Variants in RBM25 observed in about 807,000 individuals in gnomAD.
RBM25 encodes RNA binding motif protein 25.
RBM25 carries 19 observed loss-of-function variants against 120.7 expected under a neutral mutation model. The observed-to-expected ratio is 0.16, with a 90% CI of 0.11 to 0.23. RBM25 has a LOEUF of 0.23. Ranked by LOEUF, RBM25 falls within the 10% of genes least tolerant of loss-of-function variation. RBM25 has a pLI of 1.00. For missense variants in RBM25, 605 were observed against 1,041.5 expected, an observed-to-expected ratio of 0.58 and a Z score of 5.77; for synonymous variants, 390 against 326.7, an observed-to-expected ratio of 1.19 and a Z score of -2.09.
intron 18 of RBM25, among the ~76,000 whole-genome samples, chr14:73,118,808 G>T (rs1371700417): frequency 6.6e-6 from 1 of 151,798 alleles, no homozygotes; most frequent in Non-Finnish European, 1.5e-5. Context: ...TGCTCTTGTT[G>T]ACCAGGCTGG....
chr14:73,091,358 G>T (rs1198387409), intron 6 of RBM25, among the ~76,000 whole-genome samples: 1 of 151,998 alleles, frequency 6.6e-6, no homozygotes, highest in South Asian at 2.1e-4. Flanking sequence ...GGGACTACAG[G>T]TATGCACCAC....
chr14:73,119,615 T>C, intron 18 of RBM25, 98 bp from the exon 19 acceptor site: 1 of 1,567,794 alleles, frequency 6.4e-7, no homozygotes. Flanking sequence ...AAGTGCTTAT[T>C]GTCAGTGGAT....
intron 7 of RBM25, 96 bp downstream of exon 7, chr14:73,097,196 CTTTTTTTTTTTTTT>C: frequency 7.3e-6 from 1 of 137,532 alleles, no homozygotes; most frequent in Non-Finnish European, 1.1e-5. Flanking sequence ...TTTTTCTTTT[CTTTTTTTTTTTTTT>C]TTTTTTTTGA....
At position 73,122,633 on chromosome 14, in the gene RBM25, C is replaced by T. The variant is rs1047494944; in HGVS notation, c.*2828C>T. 5 of 152,134 alleles carry T rather than the reference C, an allele frequency of 3.3e-5. No homozygotes were observed. The highest frequency in any genetic ancestry group is 2.0e-4 in the Admixed American group (3 of 15,268). The allele number at this position is 152,134 out of a possible 1,614,324, so 9.4% of individuals were successfully genotyped here. ...CTGGCAAAAAAGTAGTAGAATACTA[C>T]TTTTCTTTATTTGTCCCTAAAAATA... On this transcript the variant is annotated 3_prime_UTR_variant, in exon 19 of 19. Transcript: ENST00000261973.
chr14:73,095,536 G>A (rs79896437), intron 6 of RBM25, among the ~76,000 whole-genome samples: 1 of 151,718 alleles, frequency 6.6e-6, no homozygotes, highest in African/African-American at 2.4e-5. Context: ...AAACTGGGAG[G>A]CCAGAGCTTG....
Position 73,088,881 on chromosome 14 carries a change from C to T in RBM25, c.543+720C>T, listed in dbSNP as rs147222957. On this transcript the variant is annotated intron_variant, in intron 6 of 18. Transcript: ENST00000261973. ...TTTTGCTGGGCACGGTGGCTCACGC[C>T]TGTAATCCCAGAACTTTGGGAGGCA... Among the ~76,000 whole-genome samples the T allele has an allele frequency of 7.0e-3, 1,067 of 152,322 alleles. 7 individuals carry two copies. Among genetic ancestry groups the T allele is most frequent in the Non-Finnish European group, 0.01 (701 of 68,028 alleles).
intron 4 of RBM25, among the ~76,000 whole-genome samples, chr14:73,078,314 G>A (rs567627203): frequency 1.4e-4 from 21 of 151,404 alleles, no homozygotes; most frequent in Non-Finnish European, 2.4e-4. Context: ...AAAAAATAAT[G>A]ACAGGGATTA....
intron 4 of RBM25, among the ~76,000 whole-genome samples, chr14:73,079,374 G>C (rs2140433629): frequency 6.6e-6 from 1 of 150,902 alleles, no homozygotes; most frequent in East Asian, 1.9e-4. Flanking sequence ...AGTGAGTTGA[G>C]ATGGCGCCAC....
intron 18 of RBM25, among the ~76,000 whole-genome samples, chr14:73,115,152 ACGTG>A (rs1308338045): frequency 7.7e-5 from 8 of 104,308 alleles, no homozygotes; most frequent in Non-Finnish European, 1.5e-4. Flanking sequence ...AGGAACTGAT[ACGTG>A]TGTGTGTGTG....
chr14:73,093,802 C>T (rs974654746), intron 6 of RBM25, among the ~76,000 whole-genome samples: 3 of 151,862 alleles, frequency 2.0e-5, no homozygotes, highest in Non-Finnish European at 4.4e-5. Flanking sequence ...CCACCGCACC[C>T]GGCCATCTGG....
chr14:73,096,838 T>C, intron 6 of RBM25, 77 bp from the exon 7 acceptor site: 1 of 1,278,466 alleles, frequency 7.8e-7, no homozygotes, highest in Non-Finnish European at 1.1e-6. Context: ...CATGTATGTT[T>C]ATTAACTCTT....
At chr14:73,084,677 C>T (rs369273493) in intron 5 of RBM25, among the ~76,000 whole-genome samples, 10 of 151,814 alleles carry the variant, frequency 6.6e-5, no homozygotes, top group South Asian at 2.1e-4. Context: ...CCCAGCCTCC[C>T]GAGAAGCTGG....
chr14:73,111,087 A>G lies in RBM25; in HGVS notation c.1949A>G (p.His650Arg), dbSNP rs775157571. ...DESPCGIIIP[H>R]ENSPDQQQPE... ...TCTCCCTGTGGTATTATTATTCCTCATGAAAACTCACCAGATCAACAGCAA... is the reference window on the plus strand; with the variant it reads ...TCTCCCTGTGGTATTATTATTCCTCGTGAAAACTCACCAGATCAACAGCAA... Residue 650 changes from histidine to arginine, a missense_variant, in exon 15 of 19, where the codon CAT becomes CGT. Physicochemically the swap from His to Arg is conservative, Grantham distance 29. This residue lies in a region of RBM25 where 465 missense variants were observed against 741.6 expected (regional missense o/e 0.63). Coordinates refer to ENST00000261973, the MANE Select transcript of RBM25 (RefSeq NM_021239.3). 1 of 1,614,216 alleles carries G rather than the reference A, an allele frequency of 6.2e-7. No individual in the cohort carries two copies. The highest frequency in any genetic ancestry group is 8.5e-7 in the Non-Finnish European group (1 of 1,180,034).
chr14:73,096,702 A>G (rs771885904), intron 6 of RBM25, among the ~76,000 whole-genome samples: 11 of 152,160 alleles, frequency 7.2e-5, no homozygotes, highest in Non-Finnish European at 1.3e-4. Context: ...TTTAGCTATT[A>G]AGAAAAAGAA....
chr14:73,084,240 A>G (rs535587142), intron 5 of RBM25, among the ~76,000 whole-genome samples: 3 of 152,276 alleles, frequency 2.0e-5, no homozygotes, highest in South Asian at 4.1e-4. Context: ...TTCAGGATCT[A>G]TATGAAGTCC....
Position 73,119,761 on chromosome 14 carries a change from T to C in RBM25, c.2488T>C (p.Leu830=), listed in dbSNP as rs1030392209. 6.2e-7 allele frequency: 1 copy of C among 1,611,508 alleles called. No individual in the cohort carries two copies. The highest frequency in any genetic ancestry group is 1.3e-5 in the African/African-American group (1 of 74,932). The change falls in exon 19 of 19, where the codon TTG becomes CTG. Residue 830 remains leucine, a synonymous_variant. Coordinates refer to ENST00000261973, the MANE Select transcript of RBM25 (RefSeq NM_021239.3). ...EVFIVKMWRL[L]IYETEAKKIG... ...TTTTATAGTCAAAATGTGGAGATTA[T>C]TGATATATGAAACAGAAGCCAAGAA...
At chr14:73,090,338 A>G (rs1895786060) in intron 6 of RBM25, among the ~76,000 whole-genome samples, 3 of 152,150 alleles carry the variant, frequency 2.0e-5, no homozygotes, top group Non-Finnish European at 4.4e-5. Context: ...GGCGTGAGCC[A>G]CCGTGCCCGG....
Position 73,088,072 on chromosome 14 carries a change from A to G in RBM25, c.454A>G (p.Ile152Val). Residue 152 changes from isoleucine to valine, a missense_variant, in exon 6 of 19, where the codon ATT becomes GTT. Transcript: ENST00000261973. ...ACTCAGATTATTACATGACCTGCAA[A>G]TTGGAGAGAAAAAGCTACTCGTTAA... The part of the protein sequence containing the change: ...RALRLLHDLQ[I>V]GEKKLLVKVD... 1 of 1,614,132 alleles carries G rather than the reference A, an allele frequency of 6.2e-7. No homozygotes were observed. The highest frequency in any genetic ancestry group is 8.5e-7 in the Non-Finnish European group (1 of 1,180,014).
intron 7 of RBM25, among the ~76,000 whole-genome samples, chr14:73,098,311 G>A (rs887387260): frequency 6.6e-6 from 1 of 151,976 alleles, no homozygotes; most frequent in African/African-American, 2.4e-5. Context: ...TGTATTTTTT[G>A]TAGAGACAGG....
Sources: allele counts gnomAD v4.1 joint callset (sites outside exome capture counted in the v4.1 genomes callset), GRCh38; gene constraint gnomAD v4.1.1; regional missense constraint gnomAD v4.1.1; transcripts MANE v1.5; gene names NCBI Gene and HGNC (gene_info 2026-07-23, HGNC 2026-07-21).